INSC: variants seen among roughly 807,000 people sequenced by gnomAD.
The protein encoded by INSC is INSC spindle orientation adaptor protein.
A neutral mutation model predicts 58.6 loss-of-function variants in INSC; 67 were observed. That is an observed-to-expected ratio of 1.14 (90% CI 0.94 to 1.40). INSC has a LOEUF of 1.40. Ranked by LOEUF, INSC falls within the 40% of genes most tolerant of loss-of-function variation. The probability of loss-of-function intolerance (pLI) is 0.00; values close to 1 mark genes in which losing one functional copy is unlikely to be tolerated. For synonymous variants in INSC, 262 were observed against 276.1 expected, an observed-to-expected ratio of 0.95 and a Z score of 0.51; for missense variants, 714 against 692.0, an observed-to-expected ratio of 1.03 and a Z score of -0.36.
downstream of INSC, among the ~76,000 whole-genome samples, chr11:15,251,243 C>T (rs994640985): frequency 5.3e-5 from 8 of 152,274 alleles, no homozygotes; most frequent in African/African-American, 1.9e-4. Context: ...TTATGCCAAA[C>T]ACAAAAATTA....
chr11:15,181,573 G>A (rs1459576656), intron 5 of INSC, among the ~76,000 whole-genome samples: 2 of 152,194 alleles, frequency 1.3e-5, no homozygotes, highest in Non-Finnish European at 2.9e-5. Context: ...ACACTGGAAT[G>A]AGGCCTTCCT....
intron 4 of INSC, among the ~76,000 whole-genome samples, 191 bp downstream of exon 4, chr11:15,177,354 G>C (rs1849608521): frequency 6.6e-6 from 1 of 152,146 alleles, no homozygotes; most frequent in Non-Finnish European, 1.5e-5. Context: ...TCAGGCCCTA[G>C]GGATAGGGTA....
At chr11:15,241,610 C>T (rs1293745194) in intron 12 of INSC, 3 of 702,994 alleles carry the variant, frequency 4.3e-6, no homozygotes, top group Admixed American at 2.0e-5. Context: ...AACATCTCTG[C>T]CCTCCTGCTG....
chr11:15,243,336 T>C (rs1249114007), intron 12 of INSC, among the ~76,000 whole-genome samples: 4 of 152,300 alleles, frequency 2.6e-5, no homozygotes, highest in Admixed American at 6.5e-5. Context: ...GTTTCACTTA[T>C]TGTCTCCCCT....
At chr11:15,189,456 C>T (rs1850086933) in intron 5 of INSC, among the ~76,000 whole-genome samples, 1 of 151,804 alleles carries the variant, frequency 6.6e-6, no homozygotes, top group Non-Finnish European at 1.5e-5. Flanking sequence ...ATTTCTTGGA[C>T]TCCTGGACTT....
At chr11:15,119,666 C>T (rs1274760982) in intron 1 of INSC, among the ~76,000 whole-genome samples, 1 of 152,156 alleles carries the variant, frequency 6.6e-6, no homozygotes, top group African/African-American at 2.4e-5. Flanking sequence ...GTGTAAGCTA[C>T]GTTGTGGGCC....
intron 6 of INSC, among the ~76,000 whole-genome samples, chr11:15,193,444 T>C (rs1248304195): frequency 6.6e-6 from 1 of 152,024 alleles, no homozygotes; most frequent in Non-Finnish European, 1.5e-5. Context: ...CCCTCCCCCA[T>C]CCCCCCACTC....
intron 2 of INSC, among the ~76,000 whole-genome samples, chr11:15,165,547 C>T (rs1742346333): frequency 6.6e-6 from 1 of 152,112 alleles, no homozygotes; most frequent in Admixed American, 6.5e-5. Flanking sequence ...TCCAGGTAAA[C>T]CAGCTATAGA....
chr11:15,114,731 A>G (rs947256321), upstream of INSC, among the ~76,000 whole-genome samples: 14 of 152,298 alleles, frequency 9.2e-5, no homozygotes, highest in African/African-American at 3.4e-4. Flanking sequence ...GGGCACCGAA[A>G]TAGCCTCGTA....
chr11:15,234,997 A>G (rs1236728842), intron 9 of INSC: 2 of 159,080 alleles, frequency 1.3e-5, no homozygotes, highest in East Asian at 3.5e-4. Context: ...GTGATGACTG[A>G]TAAGCGAGGC....
intron 5 of INSC, among the ~76,000 whole-genome samples, chr11:15,181,153 A>G (rs1216410887): frequency 6.6e-6 from 1 of 152,158 alleles, no homozygotes; most frequent in Non-Finnish European, 1.5e-5. Context: ...CACTTATAGT[A>G]TTTCTTGTCT....
chr11:15,191,222 G>A (rs1479010260), intron 6 of INSC, among the ~76,000 whole-genome samples: 1 of 151,972 alleles, frequency 6.6e-6, no homozygotes, highest in Non-Finnish European at 1.5e-5. Flanking sequence ...CTTGTGATCC[G>A]CCTGCCTCGG....
chr11:15,142,714 A>G (rs1848399699), intron 1 of INSC, among the ~76,000 whole-genome samples: 1 of 152,084 alleles, frequency 6.6e-6, no homozygotes, highest in Non-Finnish European at 1.5e-5. Flanking sequence ...CTAGCTGGGT[A>G]CGACCACGCA....
chr11:15,265,477 G>C, the INSC span, among the ~76,000 whole-genome samples: 25 of 151,608 alleles, frequency 1.6e-4, no homozygotes, highest in African/African-American at 6.0e-4. Flanking sequence ...TTTATTTAGG[G>C]ATTATTGCAC....
At chr11:15,177,238 C>A in intron 4 of INSC, 75 bp downstream of exon 4, 1 of 1,162,634 alleles carries the variant, frequency 8.6e-7, no homozygotes, top group South Asian at 1.2e-5. Flanking sequence ...TATCTTCTCC[C>A]AGAGGGAGAA....
the INSC span, among the ~76,000 whole-genome samples, chr11:15,267,894 T>C: frequency 6.6e-6 from 1 of 152,136 alleles, no homozygotes; most frequent in Non-Finnish European, 1.5e-5. Context: ...TGGGATGTAG[T>C]TAAGTTATTT....
At chr11:15,187,315 A>G (rs1850006179) in intron 5 of INSC, among the ~76,000 whole-genome samples, 1 of 152,244 alleles carries the variant, frequency 6.6e-6, no homozygotes, top group South Asian at 2.1e-4. Flanking sequence ...ATTCAAGGGA[A>G]GGGGAATTAG....
rs760778336 is a variant in INSC, at chr11:15,149,229, C to T, written c.55C>T (p.Arg19Trp). 8.7e-6 allele frequency: 14 copies of T among 1,603,506 alleles called. No homozygotes were observed. The highest frequency in any genetic ancestry group is 3.4e-5 in the Admixed American group (2 of 58,528). ...HLDSVTLPGQ[R>W]LHLMQVDSVQ... The stretch of plus-strand genomic sequence containing the variant: ...GGACTCCGTCACCCTGCCGGGTCAG[C>T]GGTAAGTCCTACAGCTGTCACTCCA... Residue 19 changes from arginine to tryptophan, a missense_variant and splice_region_variant, in exon 2 of 13, where the codon CGG becomes TGG. Coordinates refer to ENST00000379556, the MANE Select transcript of INSC (RefSeq NM_001042536.3).
chr11:15,137,955 G>T lies in INSC; in HGVS notation c.-45-11175G>T, dbSNP rs958155858. Among the ~76,000 whole-genome samples, 5 of 152,298 alleles carry T rather than the reference G, an allele frequency of 3.3e-5. No individual in the cohort carries two copies. In the South Asian group the frequency reaches 8.3e-4, roughly 25 times the overall value. ...CTAAGCTTAATCATTTCTAGCTTTTGATTTAAAGTGAAAGATGTGTGACTC... is the reference window on the plus strand; with the variant it reads ...CTAAGCTTAATCATTTCTAGCTTTTTATTTAAAGTGAAAGATGTGTGACTC... On this transcript the variant is annotated intron_variant, in intron 1 of 12. Coordinates refer to ENST00000379556, the MANE Select transcript of INSC (RefSeq NM_001042536.3).
Sources: allele counts gnomAD v4.1 joint callset (sites outside exome capture counted in the v4.1 genomes callset), GRCh38; gene constraint gnomAD v4.1.1; transcripts MANE v1.5; gene names NCBI Gene and HGNC (gene_info 2026-07-23, HGNC 2026-07-21).